The following ZNF782 variants were observed in gnomAD, a reference collection of about 807,000 sequenced individuals.
ZNF782 encodes zinc finger protein 782.
Under a neutral mutation model 13.0 loss-of-function variants are expected in ZNF782, and 12 were observed. The ratio of observed to expected loss-of-function variants is 0.92; its 90% CI spans 0.59 to 1.50. The LOEUF (loss-of-function observed/expected upper bound fraction) is 1.50. Among genes scored for constraint, ZNF782 ranks in the 40% most tolerant of loss-of-function variants. The probability of loss-of-function intolerance (pLI) is 0.00; values close to 1 mark genes in which losing one functional copy is unlikely to be tolerated. For missense variants in ZNF782, 770 were observed against 822.9 expected (o/e 0.94, Z 0.79); for synonymous variants, 284 against 283.0 (o/e 1.00, Z -0.04).
intron 4 of ZNF782, among the ~76,000 whole-genome samples, chr9:96,840,999 T>A (rs1163268248): frequency 1.3e-5 from 2 of 151,776 alleles, no homozygotes; most frequent in African/African-American, 2.4e-5. Flanking sequence ...TTGTAAAACC[T>A]GTAGGAAGAG....
chr9:96,930,091 A>T, the ZNF782 span, among the ~76,000 whole-genome samples: 1 of 152,154 alleles, frequency 6.6e-6, no homozygotes, highest in Admixed American at 6.5e-5. Flanking sequence ...TGAGTTCCAG[A>T]CAACTCTGCC....
At chr9:96,853,926 T>G (rs1045012306) in intron 1 of ZNF782, among the ~76,000 whole-genome samples, 162 bp downstream of exon 1, 10 of 152,252 alleles carry the variant, frequency 6.6e-5, no homozygotes, top group African/African-American at 2.2e-4. Context: ...CATGGCTTAG[T>G]AGCCTACAGT....
chr9:96,854,773 G>A (rs1488908386), upstream of ZNF782, among the ~76,000 whole-genome samples: 1 of 152,114 alleles, frequency 6.6e-6, no homozygotes, highest in Non-Finnish European at 1.5e-5. Flanking sequence ...ATTGGTTCCC[G>A]GTTGAACCAA....
chr9:96,874,215 AAACT>A (rs1217116761), intron 1 of ZNF782, among the ~76,000 whole-genome samples: 2 of 152,192 alleles, frequency 1.3e-5, no homozygotes, highest in African/African-American at 2.4e-5. Flanking sequence ...GATCTGACAC[AAACT>A]AAGTGGGTCT....
In ZNF782 at chr9:96,816,391, A is replaced by T. The variant is rs953576231; in HGVS notation, c.*1532T>A. The T allele has an allele frequency of 1.3e-5, 2 of 152,258 alleles. No individual in the cohort carries two copies. The highest frequency in any genetic ancestry group is 2.9e-5 in the Non-Finnish European group (2 of 68,050). The allele number at this position is 152,258 out of a possible 1,614,324, so 9.4% of individuals were successfully genotyped here. A position where few individuals can be genotyped will look rare whatever the true frequency, so the allele number is the denominator to read the frequency against. ...TGTTGAGGTCTAAGAAACATAAAAC[A>T]AATACCTGGTAAGTACCATGCATAT... On this transcript the variant is annotated 3_prime_UTR_variant, in exon 6 of 6. Coordinates refer to ENST00000481138, the MANE Select transcript of ZNF782 (RefSeq NM_001001662.3).
the ZNF782 span, chr9:96,892,756 A>C: frequency 6.6e-6 from 1 of 152,206 alleles, no homozygotes; most frequent in African/African-American, 2.4e-5. Flanking sequence ...AAGAAGAAAT[A>C]ACTTTTTTCA....
At chr9:96,911,462 G>A in the ZNF782 span, among the ~76,000 whole-genome samples, 6 of 128,764 alleles carry the variant, frequency 4.7e-5, no homozygotes, top group African/African-American at 1.2e-4. Context: ...AAAAAAAAAA[G>A]ATTGTTTTTC....
the ZNF782 span, among the ~76,000 whole-genome samples, chr9:96,925,306 C>A: frequency 6.6e-6 from 1 of 151,694 alleles, no homozygotes; most frequent in Non-Finnish European, 1.5e-5. Context: ...CCAGGCGACG[C>A]CTTCTCCTTG....
chr9:96,837,085 C>A (rs1275799769), intron 4 of ZNF782, among the ~76,000 whole-genome samples: 1 of 152,156 alleles, frequency 6.6e-6, no homozygotes. Context: ...GAGACACTCC[C>A]ATAGTTTTGT....
intron 1 of ZNF782, among the ~76,000 whole-genome samples, chr9:96,874,293 G>A (rs1851865687): frequency 6.6e-6 from 1 of 152,192 alleles, no homozygotes; most frequent in South Asian, 2.1e-4. Context: ...ACAAGTAGAT[G>A]ACCATAAACA....
intron 4 of ZNF782, among the ~76,000 whole-genome samples, chr9:96,843,216 T>C (rs1050200141): frequency 1.3e-5 from 2 of 152,164 alleles, no homozygotes; most frequent in Admixed American, 1.3e-4. Context: ...GAAAAACTTA[T>C]GTTCACAAAA....
At chr9:96,873,286 T>C (rs539476360) in intron 1 of ZNF782, among the ~76,000 whole-genome samples, 5 of 152,332 alleles carry the variant, frequency 3.3e-5, no homozygotes, top group Admixed American at 2.0e-4. Context: ...TCCCTGTTTA[T>C]AAGATGCTTT....
intron 5 of ZNF782, among the ~76,000 whole-genome samples, chr9:96,820,880 T>C (rs1850396294): frequency 6.6e-6 from 1 of 152,212 alleles, no homozygotes; most frequent in African/African-American, 2.4e-5. Context: ...CATCAAATCT[T>C]AACTTTTGTC....
chr9:96,930,056 T>C, the ZNF782 span, among the ~76,000 whole-genome samples: 5 of 152,284 alleles, frequency 3.3e-5, no homozygotes, highest in African/African-American at 1.2e-4. Context: ...GGCTAGAGAC[T>C]GCATGAGGTC....
At chr9:96,915,104 G>A in the ZNF782 span, among the ~76,000 whole-genome samples, 3 of 151,746 alleles carry the variant, frequency 2.0e-5, no homozygotes, top group Admixed American at 6.6e-5. Flanking sequence ...TACTAATTAT[G>A]CCAAGAAAAT....
At chr9:96,881,917 A>G in the ZNF782 span, among the ~76,000 whole-genome samples, 1 of 152,036 alleles carries the variant, frequency 6.6e-6, no homozygotes, top group Non-Finnish European at 1.5e-5. Flanking sequence ...ATTTCCACAT[A>G]AATGTTAAGC....
upstream of ZNF782, among the ~76,000 whole-genome samples, chr9:96,876,717 T>G (rs1481385539): frequency 1.3e-5 from 2 of 151,524 alleles, no homozygotes; most frequent in African/African-American, 4.8e-5. Context: ...AAGAAAAAAA[T>G]GGCTATGGCC....
intron 4 of ZNF782, 25 bp from the exon 5 acceptor site, chr9:96,827,206 T>C: frequency 1.3e-6 from 2 of 1,523,490 alleles, no homozygotes; most frequent in Non-Finnish European, 1.8e-6. Flanking sequence ...CAATTTAGCA[T>C]TTGCATTAGT....
chr9:96,843,805 A>T (rs1049715789), intron 4 of ZNF782, among the ~76,000 whole-genome samples: 1 of 152,246 alleles, frequency 6.6e-6, no homozygotes, highest in South Asian at 2.1e-4. Context: ...CTTAAAATAT[A>T]TGCAAAAAAT....
Sources: gnomAD v4.1 joint callset for allele counts (sites outside exome capture counted in the v4.1 genomes callset) on GRCh38, gnomAD v4.1.1 for gene constraint, MANE v1.5 for transcripts, NCBI Gene and HGNC (gene_info 2026-07-23, HGNC 2026-07-21) for gene names.